The following BMP8A variants were observed in gnomAD, a reference collection of about 807,000 sequenced individuals.
BMP8A encodes the protein BMP-8A.
In BMP8A, 14 loss-of-function variants were observed where a neutral mutation model predicts 36.8. The ratio of observed to expected loss-of-function variants is 0.38; its 90% CI spans 0.25 to 0.60. The LOEUF is 0.60. BMP8A is among the 20% of genes least tolerant of loss of function. The pLI is 0.63. For missense variants in BMP8A, 267 were observed against 551.1 expected (o/e 0.48, Z 5.16); for synonymous variants, 120 against 237.7 (o/e 0.50, Z 4.55).
intron 6 of BMP8A, 79 bp from the exon 7 acceptor site, chr1:39,525,570 G>A: frequency 6.4e-7 from 1 of 1,551,308 alleles, no homozygotes. Context: ...GGGAGCAGGT[G>A]GAGCTGGGGC....
intron 1 of BMP8A, among the ~76,000 whole-genome samples, chr1:39,495,057 C>T (rs1645193559): frequency 6.6e-6 from 1 of 152,186 alleles, no homozygotes; most frequent in Non-Finnish European, 1.5e-5. Flanking sequence ...TACCAGGATG[C>T]TCTCAGTGTT....
intron 6 of BMP8A, 68 bp from the exon 7 acceptor site, chr1:39,525,581 G>A (rs1193890503): frequency 2.5e-6 from 4 of 1,573,824 alleles, no homozygotes; most frequent in Admixed American, 1.8e-5. Context: ...GAGCTGGGGC[G>A]GGGCTAGGTG....
chr1:39,497,761 G>T (rs995880524), intron 1 of BMP8A, among the ~76,000 whole-genome samples: 1 of 151,570 alleles, frequency 6.6e-6, no homozygotes, highest in Non-Finnish European at 1.5e-5. Flanking sequence ...CCCCCACCCC[G>T]TGGCAGGAAG....
intron 1 of BMP8A, among the ~76,000 whole-genome samples, chr1:39,502,729 C>T (rs1241451351): frequency 1.3e-5 from 2 of 152,248 alleles, no homozygotes; most frequent in African/African-American, 2.4e-5. Flanking sequence ...AAATAAATAC[C>T]CTTGAATCCA....
In BMP8A at chr1:39,527,629, C is replaced by A. The variant is rs933299853; in HGVS notation, c.*1831C>A. Among the ~76,000 whole-genome samples, 2 of 152,194 alleles carry A rather than the reference C, an allele frequency of 1.3e-5. No individual in the cohort carries two copies. The highest frequency in any genetic ancestry group is 1.5e-5 in the Non-Finnish European group (1 of 68,032). ...CCATGTGCAAGCGCAGAGGAAGAGACCCTCTCATGTACATAAAGGGTGGGC... is the reference window on the plus strand; with the variant it reads ...CCATGTGCAAGCGCAGAGGAAGAGAACCTCTCATGTACATAAAGGGTGGGC... On this transcript the variant is annotated 3_prime_UTR_variant, in exon 7 of 7. Transcript: ENST00000331593.
Position 39,525,856 on chromosome 1 carries a change from G to A in BMP8A, c.*58G>A. On this transcript the variant is annotated 3_prime_UTR_variant, in exon 7 of 7. Coordinates refer to ENST00000331593, the MANE Select transcript of BMP8A (RefSeq NM_181809.4). Reference sequence around the variant, plus strand: ...TCTCATCTGGATCGGGCCCTGCAGAGGCAGAAAACCCTTAAATGCTGTCAC... The same window carrying A: ...TCTCATCTGGATCGGGCCCTGCAGAAGCAGAAAACCCTTAAATGCTGTCAC... 1 of 1,606,264 alleles carries A rather than the reference G, an allele frequency of 6.2e-7. No individual in the cohort carries two copies. The highest frequency in any genetic ancestry group is 8.5e-7 in the Non-Finnish European group (1 of 1,178,046).
chr1:39,529,765 TTACAAAGTTAGGATCC>T lies in BMP8A; in HGVS notation c.*3971_*3986del, dbSNP rs1210720778. ...TCTTTATATATGACATATGGATATT[TTACAAAGTTAGGATCC>T]TACTCTATGCACTGCTTGGTGATCG... is the stretch of plus-strand genomic sequence containing the variant. On this transcript the variant is annotated 3_prime_UTR_variant, in exon 7 of 7. Transcript: ENST00000331593. Among the ~76,000 whole-genome samples, 1 of 152,258 alleles carries T rather than the reference TTACAAAGTTAGGATCC, an allele frequency of 6.6e-6. No individual in the cohort carries two copies. The highest frequency in any genetic ancestry group is 1.5e-5 in the Non-Finnish European group (1 of 68,046).
Position 39,494,141 on chromosome 1 carries a change from C to G in BMP8A, c.334+1816C>G, listed in dbSNP as rs187244061. The stretch of plus-strand genomic sequence containing the variant: ...CTCCCCTCAGAGGGTGAACCTGGAC[C>G]TGGGCACTGTTGGCCTCCCAGCTGT... On this transcript the variant is annotated intron_variant, in intron 1 of 6. Coordinates refer to ENST00000331593, the MANE Select transcript of BMP8A (RefSeq NM_181809.4). Among the ~76,000 whole-genome samples the G allele has an allele frequency of 4.6e-3, 701 of 152,330 alleles. 3 individuals are homozygous for G. The highest frequency in any genetic ancestry group is 0.016 in the African/African-American group (670 of 41,570).
At chr1:39,499,374 G>C (rs1054520088) in intron 1 of BMP8A, among the ~76,000 whole-genome samples, 15 of 152,392 alleles carry the variant, frequency 9.8e-5, no homozygotes, top group African/African-American at 3.6e-4. Flanking sequence ...CGGGGCCGGG[G>C]AGGGTCTGAG....
Position 39,525,827 on chromosome 1 carries a change from C to T in BMP8A, c.*29C>T. On this transcript the variant is annotated 3_prime_UTR_variant, in exon 7 of 7. Transcript: ENST00000331593. ...AGCCCGCCCAGCCCTACTGCAGCCACCCTTCTCATCTGGATCGGGCCCTGC... is the reference window on the plus strand; with the variant it reads ...AGCCCGCCCAGCCCTACTGCAGCCATCCTTCTCATCTGGATCGGGCCCTGC... 1 of 1,612,662 alleles carries T rather than the reference C, an allele frequency of 6.2e-7. No homozygotes were observed.
intron 6 of BMP8A, chr1:39,523,727 G>T: frequency 3.7e-6 from 5 of 1,344,920 alleles, no homozygotes; most frequent in Non-Finnish European, 4.8e-6. Flanking sequence ...CTTCTGATGG[G>T]ATCACTGGTG....
At chr1:39,496,181 A>C (rs1186595762) in intron 1 of BMP8A, among the ~76,000 whole-genome samples, 5 of 135,992 alleles carry the variant, frequency 3.7e-5, no homozygotes, top group African/African-American at 1.3e-4. Flanking sequence ...CATTCAGCAA[A>C]TAGTTCTGTA....
At chr1:39,499,213 C>T (rs1422212557) in intron 1 of BMP8A, among the ~76,000 whole-genome samples, 2 of 152,134 alleles carry the variant, frequency 1.3e-5, no homozygotes, top group African/African-American at 2.4e-5. Flanking sequence ...CCTTCTCAGT[C>T]GGACTGAGAG....
intron 3 of BMP8A, chr1:39,515,798 G>A: frequency 6.3e-7 from 1 of 1,591,230 alleles, no homozygotes; most frequent in African/African-American, 1.3e-5. Flanking sequence ...CCGGAAAGAG[G>A]AAGATGGAGA....
At position 39,525,792 on chromosome 1, in the gene BMP8A, C is replaced by T; in HGVS notation, c.1203C>T (p.Cys401=). Residue 401 remains cysteine, a synonymous_variant, in exon 7 of 7, where the codon TGC becomes TGT. Coordinates refer to ENST00000331593, the MANE Select transcript of BMP8A (RefSeq NM_181809.4). ...HRNMVVKACG[C]H ...ACATGGTGGTCAAGGCCTGCGGCTG[C>T]CACTGAGTCAGCCCGCCCAGCCCTA... The T allele has an allele frequency of 6.2e-7, 1 of 1,614,064 alleles. No individual in the cohort carries two copies. Among genetic ancestry groups the T allele is most frequent in the Non-Finnish European group, 8.5e-7 (1 of 1,180,030 alleles).
Position 39,525,915 on chromosome 1 carries a change from C to T in BMP8A, c.*117C>T, listed in dbSNP as rs1012901167. 1.3e-6 allele frequency: 2 copies of T among 1,512,680 alleles called. No individual in the cohort carries two copies. Among genetic ancestry groups the T allele is most frequent in the South Asian group, 1.2e-5 (1 of 81,388 alleles). 93.7% of individuals were successfully genotyped at this position (1,512,680 alleles called of 1,614,324 possible). On this transcript the variant is annotated 3_prime_UTR_variant, in exon 7 of 7. Transcript: ENST00000331593. ...CAGGAGTGTCAGGGGCCCTCACTCT[C>T]GGTGCCTACTTCCTGTCAGGCTTCT... is the stretch of plus-strand genomic sequence containing the variant.
In BMP8A at chr1:39,522,474, G is replaced by T. The variant is rs757512908; in HGVS notation, c.940G>T (p.Gly314Cys). The T allele has an allele frequency of 2.5e-6, 4 of 1,613,812 alleles. No individual in the cohort carries two copies. ...GCTCTACGTCAGCTTCCAGGACCTT[G>T]GCTGGCTGGTAATTGCTGACTCTCC... ...HELYVSFQDL[G>C]WLDWVIAPQG... The change falls in exon 5 of 7, where the codon GGC becomes TGC. Residue 314 changes from glycine (G) to cysteine (C), a missense_variant. Around this residue, in one of 7 missense-constraint regions of BMP8A, gnomAD observed 132 missense variants for 151.3 expected, o/e 0.87. Transcript: ENST00000331593.
Position 39,526,904 on chromosome 1 carries a change from G to A in BMP8A, c.*1106G>A, listed in dbSNP as rs781673968. Among the ~76,000 whole-genome samples, 33 of 152,174 alleles carry A rather than the reference G, an allele frequency of 2.2e-4. No homozygotes were observed. Among genetic ancestry groups the A allele is most frequent in the Non-Finnish European group, 4.0e-4 (27 of 68,040 alleles). On this transcript the variant is annotated 3_prime_UTR_variant, in exon 7 of 7. Coordinates refer to ENST00000331593, the MANE Select transcript of BMP8A (RefSeq NM_181809.4). ...TGGCTCATGTCAGTAATCAACCTAC[G>A]TACCTTTCCCACTGAACCAGGACAG...
At chr1:39,498,950 C>G (rs370703335) in intron 1 of BMP8A, among the ~76,000 whole-genome samples, 287 of 152,336 alleles carry the variant, frequency 1.9e-3, no homozygotes, top group African/African-American at 6.1e-3. Flanking sequence ...CTCTGAGTGC[C>G]GGACACTGAG....
Sources: allele counts gnomAD v4.1 joint callset (sites outside exome capture counted in the v4.1 genomes callset), GRCh38; gene constraint gnomAD v4.1.1; regional missense constraint gnomAD v4.1.1; transcripts MANE v1.5; gene names NCBI Gene and HGNC (gene_info 2026-07-23, HGNC 2026-07-21).